The following ARF5 variants were observed in gnomAD, a reference collection of about 807,000 sequenced individuals.
The protein encoded by ARF5 is ADP-ribosylation factor 5.
A neutral mutation model predicts 24.8 loss-of-function variants in ARF5; 10 were observed. The observed-to-expected ratio is 0.40, with a 90% CI of 0.25 to 0.68. The LOEUF is 0.68. Ranked by LOEUF, ARF5 falls within the 30% of genes least tolerant of loss-of-function variation. The pLI is 0.36. For synonymous variants in ARF5, 102 were observed against 95.1 expected, an observed-to-expected ratio of 1.07 and a Z score of -0.42; for missense variants, 135 against 239.2, an observed-to-expected ratio of 0.56 and a Z score of 2.87.
intron 3 of ARF5, 29 bp from the exon 4 acceptor site, chr7:127,590,037 T>C (rs1794260398): frequency 5.0e-6 from 8 of 1,598,516 alleles, no homozygotes; most frequent in Non-Finnish European, 6.9e-6. Context: ...AAGTGATTGC[T>C]TCTCCTTTCT....
At chr7:127,588,972 G>T (rs951403739) in intron 1 of ARF5, 111 bp from the exon 2 acceptor site, 2 of 1,297,356 alleles carry the variant, frequency 1.5e-6, no homozygotes, top group African/African-American at 1.5e-5. Context: ...ACCTGGAGGC[G>T]CTCCCGCTCT....
Position 127,591,402 on chromosome 7 carries a change from C to T in ARF5, c.*103C>T. 2.0e-6 allele frequency: 2 copies of T among 1,023,996 alleles called. No individual in the cohort carries two copies. The highest frequency in any genetic ancestry group is 2.8e-5 in the East Asian group (1 of 36,114). The allele number at this position is 1,023,996 out of a possible 1,614,324, so 63.4% of individuals were successfully genotyped here. A position where few individuals can be genotyped will look rare whatever the true frequency, so the allele number is the denominator to read the frequency against. On this transcript the variant is annotated 3_prime_UTR_variant, in exon 6 of 6. Coordinates refer to ENST00000000233, the MANE Select transcript of ARF5 (RefSeq NM_001662.4). ...GCAGTGCCCTTTCCTCCCACTTTTC[C>T]TCCCCCATAGCCACAGGCCTCTGCT...
intron 1 of ARF5, chr7:127,588,788 C>A: frequency 1.7e-6 from 1 of 574,544 alleles, no homozygotes; most frequent in South Asian, 2.5e-5. Flanking sequence ...CTCCCTCCGC[C>A]CCAGCCCGGC....
intron 4 of ARF5, 79 bp from the exon 5 acceptor site, chr7:127,590,884 G>C: frequency 6.6e-7 from 1 of 1,513,058 alleles, no homozygotes; most frequent in East Asian, 2.3e-5. Flanking sequence ...CAATCAAGAT[G>C]CTAGGAGGTA....
chr7:127,589,693 A>T (rs1794256242), intron 3 of ARF5, 99 bp downstream of exon 3: 1 of 950,848 alleles, frequency 1.1e-6, no homozygotes. Context: ...GGCCAAGGAA[A>T]AAACCCTTCC....
intron 3 of ARF5, chr7:127,589,800 G>A (rs932376589): frequency 1.1e-5 from 7 of 608,754 alleles, no homozygotes; most frequent in Non-Finnish European, 2.0e-5. Context: ...GCAGGATTCT[G>A]GGACCAGGCT....
chr7:127,589,038 GC>G, intron 1 of ARF5, 44 bp from the exon 2 acceptor site: 1 of 1,602,566 alleles, frequency 6.2e-7, no homozygotes, highest in Non-Finnish European at 8.5e-7. Context: ...TCTCTAGGGG[GC>G]TCCCTCGCTC....
chr7:127,589,964 G>T lies in ARF5; in HGVS notation c.259-102G>T, dbSNP rs1425987398. The T allele has an allele frequency of 2.9e-6, 3 of 1,050,314 alleles. No individual in the cohort carries two copies. In the African/African-American group the frequency reaches 4.7e-5, roughly 16 times the overall value. 65.1% of individuals were successfully genotyped at this position (1,050,314 alleles called of 1,614,324 possible). On this transcript the variant is annotated intron_variant, in intron 3 of 5. Transcript: ENST00000000233. ...TCTGTAGAGTTTACTAGATGAGAAG[G>T]ATTGACACAATTACAAATGGGAAGA...
rs1587535925 is a variant in ARF5 at position 127,589,402 on chromosome 7, G to A, written c.149-83G>A. 14 of 1,264,402 alleles carry A rather than the reference G, an allele frequency of 1.1e-5. No homozygotes were observed. In the East Asian group the frequency reaches 3.2e-4, roughly 29 times the overall value. 78.3% of individuals were successfully genotyped at this position (1,264,402 alleles called of 1,614,324 possible). ...GCCTTGATCATTGCCTTCTGGTTTT[G>A]TGTCCCTGCTGAAATCTAAGTAGTT... On this transcript the variant is annotated intron_variant, in intron 2 of 5. Coordinates refer to ENST00000000233, the MANE Select transcript of ARF5 (RefSeq NM_001662.4).
In ARF5 at chr7:127,590,074, C is replaced by T; in HGVS notation, c.267C>T (p.Ile89=). ...RHYFQNTQGL[I]FVVDSNDRER... is the part of the protein sequence containing the mutation. ...CCTTCCTTCCTGCCCAGGGCCTCAT[C>T]TTTGTGGTGGACAGTAATGACCGGG... The change falls in exon 4 of 6, where the codon ATC becomes ATT. Residue 89 remains isoleucine, a synonymous_variant. Coordinates refer to ENST00000000233, the MANE Select transcript of ARF5 (RefSeq NM_001662.4). 1.2e-6 allele frequency: 2 copies of T among 1,613,904 alleles called. No individual in the cohort carries two copies. Among genetic ancestry groups the T allele is most frequent in the Non-Finnish European group, 1.7e-6 (2 of 1,179,870 alleles).
At position 127,591,477 on chromosome 7, in the gene ARF5, T is replaced by C. The variant is rs1794287738; in HGVS notation, c.*178T>C. Reference sequence around the variant, plus strand: ...CTGTTGTTGGAGCCTGGAGCCTTGCTCTCTGGGCACAGAGGGGTCCACTCT... The same window carrying C: ...CTGTTGTTGGAGCCTGGAGCCTTGCCCTCTGGGCACAGAGGGGTCCACTCT... On this transcript the variant is annotated 3_prime_UTR_variant, in exon 6 of 6. Coordinates refer to ENST00000000233, the MANE Select transcript of ARF5 (RefSeq NM_001662.4). The C allele has an allele frequency of 3.4e-6, 2 of 592,022 alleles. No homozygotes were observed. The highest frequency in any genetic ancestry group is 5.7e-6 in the Non-Finnish European group (2 of 353,430). The allele number at this position is 592,022 out of a possible 1,614,324, so 36.7% of individuals were successfully genotyped here.
At chr7:127,590,335 CTT>C (rs1053092786) in intron 4 of ARF5, among the ~76,000 whole-genome samples, 198 bp downstream of exon 4, 6 of 144,676 alleles carry the variant, frequency 4.1e-5, no homozygotes, top group Admixed American at 6.9e-5. Flanking sequence ...ATTGTCTTGT[CTT>C]TTTTTTTTTT....
At chr7:127,590,288 G>A (rs1160066193) in intron 4 of ARF5, 151 bp downstream of exon 4, 1 of 621,438 alleles carries the variant, frequency 1.6e-6, no homozygotes, top group African/African-American at 1.9e-5. Context: ...ATCTCACCCT[G>A]TTTTGGATGG....
intron 2 of ARF5, 80 bp downstream of exon 2, chr7:127,589,243 T>C (rs1340580878): frequency 2.3e-5 from 34 of 1,495,852 alleles, no homozygotes; most frequent in Non-Finnish European, 3.1e-5. Context: ...GCCACTTTTC[T>C]GGAGCTGACC....
chr7:127,588,588 C>T, intron 1 of ARF5, 23 bp downstream of exon 1: 2 of 1,366,474 alleles, frequency 1.5e-6, no homozygotes, highest in Admixed American at 3.3e-5. Flanking sequence ...GAGCGCGCGG[C>T]CCGGACCGGG....
rs959312698 is a variant in ARF5, at chr7:127,588,436, C to G, written c.-63C>G. 46 of 1,137,182 alleles carry G rather than the reference C, an allele frequency of 4.0e-5. No individual in the cohort carries two copies. The highest frequency in any genetic ancestry group is 5.0e-5 in the Non-Finnish European group (44 of 875,348). 70.4% of individuals were successfully genotyped at this position (1,137,182 alleles called of 1,614,324 possible). ...CTGCTGCTGCTGCGCCCCATCCCCC[C>G]GCGGCCGGCCAGTTCCAGCCCGCAC... On this transcript the variant is annotated 5_prime_UTR_variant, in exon 1 of 6. Coordinates refer to ENST00000000233, the MANE Select transcript of ARF5 (RefSeq NM_001662.4).
intron 1 of ARF5, chr7:127,588,792 G>A: frequency 1.7e-6 from 1 of 572,752 alleles, no homozygotes; most frequent in Non-Finnish European, 3.0e-6. Flanking sequence ...CTCCGCCCCA[G>A]CCCGGCTGGT....
intron 1 of ARF5, 177 bp downstream of exon 1, chr7:127,588,742 C>T: frequency 1.5e-6 from 1 of 661,798 alleles, no homozygotes; most frequent in Non-Finnish European, 2.4e-6. Context: ...ACCCCGGGGC[C>T]TGACACCCGG....
rs1302497298 is a variant in ARF5, at chr7:127,588,786, G to T, written c.67+221G>T. On this transcript the variant is annotated intron_variant, in intron 1 of 5. Transcript: ENST00000000233. ...GCCTGGGTGGGGTGAAGCTCCCTCC[G>T]CCCCAGCCCGGCTGGTAAGAAGGGA... 8.8e-6 allele frequency: 5 copies of T among 570,214 alleles called. No individual in the cohort carries two copies. In the East Asian group the frequency reaches 1.6e-4, roughly 18 times the overall value. 35.3% of individuals were successfully genotyped at this position (570,214 alleles called of 1,614,324 possible).
Sources: gnomAD v4.1 joint callset for allele counts (sites outside exome capture counted in the v4.1 genomes callset) on GRCh38, gnomAD v4.1.1 for gene constraint, MANE v1.5 for transcripts, NCBI Gene and HGNC (gene_info 2026-07-23, HGNC 2026-07-21) for gene names.